Variants in NRG3 observed in about 807,000 individuals in gnomAD.
NRG3 encodes pro-neuregulin-3, membrane-bound isoform.
A neutral mutation model predicts 66.9 loss-of-function variants in NRG3; 31 were observed. The observed-to-expected ratio is 0.46, with a 90% CI of 0.35 to 0.63. The LOEUF is 0.63. NRG3 is among the 20% of genes least tolerant of loss of function. The pLI is 0.00. For missense variants in NRG3, 910 were observed against 878.9 expected, an observed-to-expected ratio of 1.04 and a Z score of -0.45; for synonymous variants, 393 against 359.4, an observed-to-expected ratio of 1.09 and a Z score of -1.06.
rs897332322 is a variant in NRG3 at position 82,507,035 on chromosome 10, T to C, written c.953+148167T>C. Among the ~76,000 whole-genome samples, 9 of 152,250 alleles carry C rather than the reference T, an allele frequency of 5.9e-5. No homozygotes were observed. The South Asian group carries it at 8.3e-4, about 14-fold the overall frequency. ...GACTGCTGTTCATGTCAAAATGTAA[T>C]CGTGAGGTGAAAATTGTGTTCAGAA... On this transcript the variant is annotated intron_variant, in intron 2 of 8. Coordinates refer to ENST00000372141, the MANE Select transcript of NRG3 (RefSeq NM_001010848.4).
chr10:82,982,223 T>C (rs1852995256), intron 8 of NRG3, among the ~76,000 whole-genome samples: 1 of 152,238 alleles, frequency 6.6e-6, no homozygotes, highest in Admixed American at 6.5e-5. Context: ...GGAACTGAGA[T>C]GGTTTGGAGT....
At chr10:82,022,485 A>G (rs144185288) in intron 1 of NRG3, among the ~76,000 whole-genome samples, 43 of 152,216 alleles carry the variant, frequency 2.8e-4, no homozygotes, top group Non-Finnish European at 4.9e-4. Flanking sequence ...GAATAGTTTG[A>G]TATTTACTAT....
At chr10:82,127,142 G>GGCTGCTGCATGGTGCTGCAAGGT (rs2068498623) in intron 1 of NRG3, among the ~76,000 whole-genome samples, 1 of 152,112 alleles carries the variant, frequency 6.6e-6, no homozygotes, top group South Asian at 2.1e-4. Context: ...TGCAGAGGGT[G>GGCTGCTGCATGGTGCTGCAAGGT]GCTGCAGGTG....
chr10:82,463,007 C>T (rs915701418), intron 2 of NRG3, among the ~76,000 whole-genome samples: 2 of 152,078 alleles, frequency 1.3e-5, no homozygotes, highest in Admixed American at 1.3e-4. Flanking sequence ...CATTATCTGT[C>T]CACCTACTAG....
chr10:82,433,181 A>C (rs887597385), intron 2 of NRG3, among the ~76,000 whole-genome samples: 2 of 151,992 alleles, frequency 1.3e-5, no homozygotes, highest in Non-Finnish European at 2.9e-5. Context: ...ATGGTATCTC[A>C]TTGTGGTTTT....
At chr10:82,275,498 A>G (rs541959377) in intron 1 of NRG3, among the ~76,000 whole-genome samples, 4 of 152,162 alleles carry the variant, frequency 2.6e-5, no homozygotes, top group African/African-American at 9.6e-5. Context: ...TTTCAAAGCA[A>G]AAGGCCAGTG....
chr10:82,018,695 CA>C (rs2061908944), intron 1 of NRG3, among the ~76,000 whole-genome samples: 1 of 152,134 alleles, frequency 6.6e-6, no homozygotes, highest in African/African-American at 2.4e-5. Context: ...CTCTTTGAAG[CA>C]ATTGTGAATG....
intron 3 of NRG3, among the ~76,000 whole-genome samples, chr10:82,770,789 G>A (rs1320427060): frequency 6.6e-6 from 1 of 152,090 alleles, no homozygotes; most frequent in African/African-American, 2.4e-5. Flanking sequence ...TTGGAGCTAA[G>A]TGGAGCAAAA....
intron 4 of NRG3, among the ~76,000 whole-genome samples, chr10:82,948,580 C>G (rs1382080169): frequency 6.6e-6 from 1 of 152,054 alleles, no homozygotes; most frequent in Non-Finnish European, 1.5e-5. Context: ...CATGTTATAT[C>G]TATTTATTTA....
At chr10:82,645,945 A>G (rs1313925108) in intron 2 of NRG3, among the ~76,000 whole-genome samples, 1 of 152,184 alleles carries the variant, frequency 6.6e-6, no homozygotes, top group Non-Finnish European at 1.5e-5. Flanking sequence ...CAGTTTCAAC[A>G]TATTTCAGTA....
At chr10:82,948,925 C>G (rs568636238) in intron 4 of NRG3, among the ~76,000 whole-genome samples, 1 of 152,226 alleles carries the variant, frequency 6.6e-6, no homozygotes, top group Non-Finnish European at 1.5e-5. Flanking sequence ...GTTACATTAA[C>G]TAAACCTCTG....
chr10:82,475,756 A>G (rs1179844333), intron 2 of NRG3, among the ~76,000 whole-genome samples: 1 of 152,308 alleles, frequency 6.6e-6, no homozygotes, highest in East Asian at 1.9e-4. Flanking sequence ...AATACAGGGG[A>G]AAAGCTTCAT....
intron 3 of NRG3, among the ~76,000 whole-genome samples, chr10:82,811,037 A>T (rs979834974): frequency 3.1e-5 from 4 of 130,518 alleles, no homozygotes; most frequent in Non-Finnish European, 7.0e-5. Context: ...CCCTTCCTTC[A>T]CTTCCTTCAA....
At chr10:82,450,935 A>C (rs965712576) in intron 2 of NRG3, among the ~76,000 whole-genome samples, 1 of 152,194 alleles carries the variant, frequency 6.6e-6, no homozygotes, top group African/African-American at 2.4e-5. Context: ...TGTTTAACTC[A>C]ACATCATTTA....
At chr10:82,592,499 G>A (rs145267483) in intron 2 of NRG3, among the ~76,000 whole-genome samples, 52 of 152,274 alleles carry the variant, frequency 3.4e-4, no homozygotes, top group African/African-American at 1.2e-3. Flanking sequence ...AGGAGGAAAT[G>A]CATTTTTCGT....
chr10:82,153,845 G>A (rs1477270704), intron 1 of NRG3, among the ~76,000 whole-genome samples: 2 of 151,374 alleles, frequency 1.3e-5, no homozygotes, highest in Admixed American at 1.3e-4. Context: ...TATATCTGTT[G>A]GCCATTTGTA....
At chr10:82,693,285 T>C (rs1159302744) in intron 2 of NRG3, among the ~76,000 whole-genome samples, 1 of 152,246 alleles carries the variant, frequency 6.6e-6, no homozygotes, top group Admixed American at 6.5e-5. Flanking sequence ...AAATTTTGTT[T>C]CTTTAACCAC....
At chr10:82,545,166 A>T (rs2043806975) in intron 2 of NRG3, among the ~76,000 whole-genome samples, 1 of 152,102 alleles carries the variant, frequency 6.6e-6, no homozygotes, top group Admixed American at 6.5e-5. Flanking sequence ...TTTCCTCTGG[A>T]ATTATGGGAG....
intron 3 of NRG3, among the ~76,000 whole-genome samples, chr10:82,829,961 A>G (rs1591651712): frequency 6.6e-6 from 1 of 152,176 alleles, no homozygotes; most frequent in East Asian, 1.9e-4. Flanking sequence ...TAGTTGCCAT[A>G]AATAAAATCA....
Sources: gnomAD v4.1 joint callset for allele counts (sites outside exome capture counted in the v4.1 genomes callset) on GRCh38, gnomAD v4.1.1 for gene constraint, MANE v1.5 for transcripts, NCBI Gene and HGNC (gene_info 2026-07-23, HGNC 2026-07-21) for gene names.